Variants in FBP1 observed in about 807,000 individuals in gnomAD.
The protein encoded by FBP1 is fructose-bisphosphatase 1, also known as fructose-1,6-bisphosphatase 1.
FBP1 carries 22 observed loss-of-function variants against 29.9 expected under a neutral mutation model. That is an observed-to-expected ratio of 0.74 (90% confidence interval 0.53 to 1.05). The LOEUF (loss-of-function observed/expected upper bound fraction) is 1.05. Among genes scored for constraint, FBP1 ranks in the 50% least tolerant of loss-of-function variants. FBP1 has a pLI of 0.00. For missense variants in FBP1, 345 were observed against 448.2 expected, an observed-to-expected ratio of 0.77 and a Z score of 2.08; for synonymous variants, 175 against 178.6, an observed-to-expected ratio of 0.98 and a Z score of 0.16.
intron 2 of FBP1, among the ~76,000 whole-genome samples, chr9:94,619,851 G>T (rs1158230260): frequency 8.1e-6 from 1 of 123,008 alleles, no homozygotes; most frequent in Non-Finnish European, 1.6e-5. Flanking sequence ...ACCAGACTGG[G>T]CAACAAGAGC....
At chr9:94,634,648 G>A (rs1163250222) in intron 1 of FBP1, among the ~76,000 whole-genome samples, 1 of 152,220 alleles carries the variant, frequency 6.6e-6, no homozygotes, top group Non-Finnish European at 1.5e-5. Flanking sequence ...GATCTGCACA[G>A]TTTCTCTCCC....
intron 1 of FBP1, among the ~76,000 whole-genome samples, chr9:94,631,873 G>A (rs1008177579): frequency 5.3e-5 from 8 of 152,154 alleles, no homozygotes; most frequent in Admixed American, 3.3e-4. Context: ...ACATTGAAGA[G>A]GTGCTAGTGA....
chr9:94,603,930 G>T, intron 6 of FBP1: 1 of 352,030 alleles, frequency 2.8e-6, no homozygotes, highest in Non-Finnish European at 5.5e-6. Context: ...TGTGTGTGTT[G>T]GATGGAGCTT....
intron 3 of FBP1, among the ~76,000 whole-genome samples, chr9:94,614,214 G>A (rs868011024): frequency 3.5e-5 from 5 of 144,918 alleles, no homozygotes; most frequent in Non-Finnish European, 7.6e-5. Context: ...GGAGGGAGAA[G>A]GGGGAGGGAC....
chr9:94,610,206 C>A lies in FBP1; in HGVS notation c.427-145G>T, dbSNP rs111239085. The A allele has an allele frequency of 9.7e-5, 77 of 792,364 alleles. 2 individuals are homozygous for A. The highest frequency in any genetic ancestry group is 9.2e-4 in the African/African-American group (54 of 58,642). The allele number at this position is 792,364 out of a possible 1,614,324, so 49.1% of individuals were successfully genotyped here. On this transcript the variant is annotated intron_variant, in intron 3 of 6. Coordinates refer to ENST00000375326, the MANE Select transcript of FBP1 (RefSeq NM_000507.4). Reference sequence around the variant, plus strand: ...AGAGGGGCCTTCCCCTACACATCAGCAATATCCTGATTAGATTATCACGGC... The same window carrying A: ...AGAGGGGCCTTCCCCTACACATCAGAAATATCCTGATTAGATTATCACGGC...
At position 94,605,533 on chromosome 9, in the gene FBP1, A is replaced by G; in HGVS notation, c.749T>C (p.Val250Ala). Residue 250 changes from valine (V) to alanine (A), a missense_variant, in exon 6 of 7, where the codon GTG (valine) becomes GCG (alanine). Transcript: ENST00000375326. ...PYGARYVGSM[V>A]ADVHRTLVYG... ...GACCAGAGTGCGATGAACATCAGCC[A>G]CCATGGAGCCCACATACCGGGCCCC... 3 of 1,613,876 alleles carry G rather than the reference A, an allele frequency of 1.9e-6. No homozygotes were observed. Among genetic ancestry groups the G allele is most frequent in the Middle Eastern group, 1.7e-4 (1 of 6,060 alleles).
rs28369701 is a variant in FBP1, at chr9:94,619,350, T to C, written c.333+979A>G. On this transcript the variant is annotated intron_variant, in intron 2 of 6. Transcript: ENST00000375326. The stretch of plus-strand genomic sequence containing the variant: ...GTTTTTTCCTAATTCTACTCCTTCA[T>C]GTTCCCAGTTCCTCTCAAACTGGGA... 4.0e-3 allele frequency among the ~76,000 whole-genome samples: 604 copies of C among 152,306 alleles called. 30 individuals are homozygous for C. The East Asian group carries it at 0.096, about 24-fold the overall frequency.
intron 1 of FBP1, 125 bp downstream of exon 1, chr9:94,639,016 C>G (rs945362762): frequency 3.1e-6 from 3 of 978,560 alleles, no homozygotes; most frequent in Non-Finnish European, 4.7e-6. Context: ...GAGAGAGGCG[C>G]TCAGACATCA....
At chr9:94,627,843 G>A (rs1223342116) in intron 1 of FBP1, among the ~76,000 whole-genome samples, 3 of 152,174 alleles carry the variant, frequency 2.0e-5, no homozygotes, top group African/African-American at 7.2e-5. Context: ...CCCTCCCCAG[G>A]CCAACTGTGC....
At chr9:94,619,457 G>C (rs1000913602) in intron 2 of FBP1, among the ~76,000 whole-genome samples, 4 of 152,066 alleles carry the variant, frequency 2.6e-5, no homozygotes, top group African/African-American at 9.7e-5. Flanking sequence ...TAAAAGCTGG[G>C]AATACTCTTT....
At chr9:94,630,662 C>A (rs533688092) in intron 1 of FBP1, among the ~76,000 whole-genome samples, 1 of 152,200 alleles carries the variant, frequency 6.6e-6, no homozygotes, top group East Asian at 1.9e-4. Flanking sequence ...GGTGCATAGG[C>A]AAGTGTGCAA....
At chr9:94,633,718 T>C (rs1204828242) in intron 1 of FBP1, among the ~76,000 whole-genome samples, 1 of 152,084 alleles carries the variant, frequency 6.6e-6, no homozygotes, top group East Asian at 2.0e-4. Context: ...CTTTCTTTTT[T>C]TTTTGAGACG....
intron 5 of FBP1, 123 bp from the exon 6 acceptor site, chr9:94,605,699 G>T: frequency 1.1e-6 from 1 of 946,404 alleles, no homozygotes; most frequent in Non-Finnish European, 1.6e-6. Context: ...ATGTATTTGG[G>T]GCTGTGCTAA....
At chr9:94,607,347 C>T (rs908774940) in intron 4 of FBP1, among the ~76,000 whole-genome samples, 1 of 152,120 alleles carries the variant, frequency 6.6e-6, no homozygotes, top group African/African-American at 2.4e-5. Flanking sequence ...TTGGTTCAGG[C>T]GGGAGGTGGG....
At position 94,609,950 on chromosome 9, in the gene FBP1, A is replaced by G. The variant is rs558179362; in HGVS notation, c.538T>C (p.Cys180Arg). Residue 180 changes from cysteine to arginine, a missense_variant, in exon 4 of 7, where the codon TGT becomes CGT. Cys to Arg is a radical substitution (Grantham distance 180, BLOSUM62 -3). Transcript: ENST00000375326. ...TCCAGCATGAAGCAGTTGACCCCAC[A>G]GTCCATGGCAAGGACCAGCATGGTG... ...SATMLVLAMD[C>R]GVNCFMLDPA... 2 of 1,614,206 alleles carry G rather than the reference A, an allele frequency of 1.2e-6. No homozygotes were observed. The highest frequency in any genetic ancestry group is 1.3e-5 in the African/African-American group (1 of 75,050).
Position 94,603,440 on chromosome 9 carries a change from C to T in FBP1, c.958G>A (p.Gly320Arg). 1.2e-6 allele frequency: 2 copies of T among 1,614,054 alleles called. No homozygotes were observed. The highest frequency in any genetic ancestry group is 1.1e-5 in the South Asian group (1 of 91,068). The change falls in exon 7 of 7, where the codon GGA (glycine) becomes AGA (arginine). Residue 320 changes from glycine (G) to arginine (R), a missense_variant. Transcript: ENST00000375326. ...AACTCGAGCACGTCGTCGGGGGATC[C>T]CAAGATCACCGGCGCCCTCTGGTGA... ...DIHQRAPVIL[G>R]SPDDVLEFLK...
rs1827876047 is a variant in FBP1, at chr9:94,617,157, G to A, written c.426+611C>T. Among the ~76,000 whole-genome samples, 3 of 152,190 alleles carry A rather than the reference G, an allele frequency of 2.0e-5. No homozygotes were observed. In the South Asian group the frequency reaches 6.2e-4, roughly 31 times the overall value. ...ATCATAACTACAAAACTTTGACAGT[G>A]CAGCAGAGAATCAGCCAAAGGCAGT... On this transcript the variant is annotated intron_variant, in intron 3 of 6. Coordinates refer to ENST00000375326, the MANE Select transcript of FBP1 (RefSeq NM_000507.4).
rs765743651 is a variant in FBP1, at chr9:94,617,837, A to T, written c.357T>A (p.Asp119Glu). ...CGATGTTGGAAGATCCATCAAGGGG[A>T]TCAAAACAGACCACATATTTACCCT... is the stretch of plus-strand genomic sequence containing the variant. ...EKRGKYVVCF[D>E]PLDGSSNIDC... The change falls in exon 3 of 7, where the codon GAT becomes GAA. Residue 119 changes from aspartate (D) to glutamate (E), a missense_variant. Transcript: ENST00000375326. 2.5e-6 allele frequency: 4 copies of T among 1,613,750 alleles called. No homozygotes were observed. Among genetic ancestry groups the T allele is most frequent in the Non-Finnish European group, 2.5e-6 (3 of 1,179,680 alleles).
At chr9:94,629,516 A>G (rs1312601648) in intron 1 of FBP1, among the ~76,000 whole-genome samples, 1 of 152,194 alleles carries the variant, frequency 6.6e-6, no homozygotes, top group East Asian at 1.9e-4. Context: ...TAATTAAAGC[A>G]ACAAGGAAGG....
Sources: gnomAD v4.1 joint callset for allele counts (sites outside exome capture counted in the v4.1 genomes callset) on GRCh38, gnomAD v4.1.1 for gene constraint, MANE v1.5 for transcripts, NCBI Gene and HGNC (gene_info 2026-07-23, HGNC 2026-07-21) for gene names.